The following PUM3 variants were observed in gnomAD, a reference collection of about 807,000 sequenced individuals.
PUM3 encodes pumilio RNA binding family member 3, also known as pumilio homolog 3.
PUM3 carries 91 observed loss-of-function variants against 84.0 expected under a neutral mutation model. The observed-to-expected ratio is 1.08, with a 90% CI of 0.91 to 1.29. The LOEUF (loss-of-function observed/expected upper bound fraction) is 1.29, where lower values mean the gene tolerates loss of function less well. PUM3 is among the 50% of genes most tolerant of loss of function. The probability of loss-of-function intolerance (pLI) is 0.00; values close to 1 mark genes in which losing one functional copy is unlikely to be tolerated. For synonymous variants in PUM3, 321 were observed against 266.7 expected, an observed-to-expected ratio of 1.20 and a Z score of -1.98; for missense variants, 1,067 against 767.5, an observed-to-expected ratio of 1.39 and a Z score of -4.61.
chr9:2,811,940 G>C (rs1821384225), intron 14 of PUM3, among the ~76,000 whole-genome samples: 1 of 151,498 alleles, frequency 6.6e-6, no homozygotes, highest in African/African-American at 2.4e-5. Flanking sequence ...ACTCAAATAT[G>C]TGGTATCGGT....
chr9:2,815,815 G>A (rs561312449), intron 13 of PUM3, among the ~76,000 whole-genome samples: 1 of 152,284 alleles, frequency 6.6e-6, no homozygotes, highest in South Asian at 2.1e-4. Flanking sequence ...CCTAACAAGA[G>A]TTAACTTACA....
intron 13 of PUM3, among the ~76,000 whole-genome samples, chr9:2,814,968 G>A (rs1821442794): frequency 6.6e-6 from 1 of 152,036 alleles, no homozygotes; most frequent in African/African-American, 2.4e-5. Flanking sequence ...CCATGCTTAG[G>A]GACTAATCCA....
At position 2,804,253 on chromosome 9, in the gene PUM3, C is replaced by T; in HGVS notation, c.*78G>A. ...ACCCCAATTACCAGTATGGTGGACC[C>T]TACCCCTTCTTTTCTGCATTGGGAA... On this transcript the variant is annotated 3_prime_UTR_variant, in exon 18 of 18. Coordinates refer to ENST00000397885, the MANE Select transcript of PUM3 (RefSeq NM_014878.5). 6.9e-7 allele frequency: 1 copy of T among 1,448,908 alleles called. No individual in the cohort carries two copies. The highest frequency in any genetic ancestry group is 9.5e-7 in the Non-Finnish European group (1 of 1,056,206). The allele number at this position is 1,448,908 out of a possible 1,614,324, so 89.8% of individuals were successfully genotyped here.
chr9:2,836,737 A>T (rs1816131210), intron 3 of PUM3, among the ~76,000 whole-genome samples: 2 of 152,116 alleles, frequency 1.3e-5, no homozygotes, highest in Non-Finnish European at 2.9e-5. Flanking sequence ...AGCTGGGGAC[A>T]GACTGATTCT....
chr9:2,820,478 C>T (rs1197104821), intron 12 of PUM3, among the ~76,000 whole-genome samples: 1 of 151,920 alleles, frequency 6.6e-6, no homozygotes, highest in African/African-American at 2.4e-5. Flanking sequence ...TATATAAACA[C>T]ATATATGATA....
intron 1 of PUM3, among the ~76,000 whole-genome samples, chr9:2,839,422 T>C (rs1276433623): frequency 6.6e-6 from 1 of 152,206 alleles, no homozygotes; most frequent in Non-Finnish European, 1.5e-5. Flanking sequence ...AAAGAAGGGT[T>C]CTGGGATAAA....
At chr9:2,832,652 G>A (rs1028083649) in intron 5 of PUM3, among the ~76,000 whole-genome samples, 1 of 152,156 alleles carries the variant, frequency 6.6e-6, no homozygotes, top group Non-Finnish European at 1.5e-5. Context: ...GAGCTGAGGG[G>A]GCAGTCCTAT....
chr9:2,815,009 T>A (rs1371549129), intron 13 of PUM3, among the ~76,000 whole-genome samples: 1 of 152,192 alleles, frequency 6.6e-6, no homozygotes, highest in African/African-American at 2.4e-5. Flanking sequence ...AATGGTTTTA[T>A]AAAATGAGAA....
At chr9:2,811,634 A>G in intron 14 of PUM3, 51 bp from the exon 15 acceptor site, 1 of 1,357,310 alleles carries the variant, frequency 7.4e-7, no homozygotes, top group Non-Finnish European at 1.0e-6. Context: ...CGCAAAGGAA[A>G]TGTGGTGATA....
chr9:2,816,395 C>T (rs559966791), intron 13 of PUM3, among the ~76,000 whole-genome samples: 22 of 152,194 alleles, frequency 1.4e-4, no homozygotes, highest in African/African-American at 4.1e-4. Flanking sequence ...TTAGTGGGTA[C>T]GCTGCTTCAT....
chr9:2,822,180 T>C (rs1815662447), intron 12 of PUM3, among the ~76,000 whole-genome samples: 1 of 152,158 alleles, frequency 6.6e-6, no homozygotes, highest in Admixed American at 6.5e-5. Flanking sequence ...TTAACATGTT[T>C]CTCTCAGCAA....
At chr9:2,831,061 G>A in intron 6 of PUM3, 33 bp from the exon 7 acceptor site, 6 of 1,175,042 alleles carry the variant, frequency 5.1e-6, no homozygotes, top group Non-Finnish European at 3.8e-6. Flanking sequence ...AGTGACTTCA[G>A]ATCTCATTTC....
chr9:2,833,228 A>T (rs1262806541), intron 5 of PUM3, 129 bp downstream of exon 5: 8 of 487,740 alleles, frequency 1.6e-5, no homozygotes, highest in Non-Finnish European at 2.9e-5. Flanking sequence ...GTTATGGAAG[A>T]TATTTAAAAC....
At position 2,822,862 on chromosome 9, in the gene PUM3, G is replaced by A. The variant is rs77830276; in HGVS notation, c.1188+919C>T. The stretch of plus-strand genomic sequence containing the variant: ...CCATATTTCACTTTATTATAGGAAC[G>A]TTAGCTGCCTTCTGAATTCTTCTAA... On this transcript the variant is annotated intron_variant, in intron 12 of 17. Transcript: ENST00000397885. Among the ~76,000 whole-genome samples, 802 of 151,044 alleles carry A rather than the reference G, an allele frequency of 5.3e-3. 5 individuals are homozygous for A. Among genetic ancestry groups the A allele is most frequent in the African/African-American group, 0.019 (778 of 41,344 alleles).
intron 13 of PUM3, among the ~76,000 whole-genome samples, chr9:2,816,628 C>T (rs141667498): frequency 2.7e-3 from 418 of 152,286 alleles, no homozygotes; most frequent in African/African-American, 9.3e-3. Context: ...TGTGTGCTCT[C>T]GCCATTTCCT....
Position 2,822,709 on chromosome 9 carries a change from ATTATAT to A in PUM3, c.1188+1066_1188+1071del, listed in dbSNP as rs1470016498. ...ATTGAATTATGAATTATAATTATGAATTATATTTATATTTATAACATAATAATATAA... is the reference window on the plus strand; with the variant it reads ...ATTGAATTATGAATTATAATTATGAATTATATTTATAACATAATAATATAA... On this transcript the variant is annotated intron_variant, in intron 12 of 17. Transcript: ENST00000397885. 5.6e-5 allele frequency among the ~76,000 whole-genome samples: 7 copies of A among 124,486 alleles called. No homozygotes were observed. The South Asian group carries it at 1.2e-3, about 21-fold the overall frequency. 81.7% of individuals were successfully genotyped at this position (124,486 alleles called of 152,430 possible). A position where few individuals can be genotyped will look rare whatever the true frequency, so the allele number is the denominator to read the frequency against.
At chr9:2,830,441 T>G (rs1310576983) in intron 7 of PUM3, among the ~76,000 whole-genome samples, 1 of 152,218 alleles carries the variant, frequency 6.6e-6, no homozygotes, top group East Asian at 1.9e-4. Flanking sequence ...GTTGACATTT[T>G]CTAACCCACT....
intron 3 of PUM3, among the ~76,000 whole-genome samples, chr9:2,834,630 A>C (rs761710287): frequency 1.3e-5 from 2 of 152,220 alleles, no homozygotes; most frequent in Non-Finnish European, 2.9e-5. Context: ...AACAACTCGA[A>C]GAGGTAGGTA....
At chr9:2,811,713 G>A in intron 14 of PUM3, 130 bp from the exon 15 acceptor site, 1 of 656,634 alleles carries the variant, frequency 1.5e-6, no homozygotes, top group Non-Finnish European at 2.6e-6. Flanking sequence ...CTATCTTTCT[G>A]TTAAGCATGT....
Sources: allele counts gnomAD v4.1 joint callset (sites outside exome capture counted in the v4.1 genomes callset), GRCh38; gene constraint gnomAD v4.1.1; transcripts MANE v1.5; gene names NCBI Gene and HGNC (gene_info 2026-07-23, HGNC 2026-07-21).